Variants in CPQ observed in about 807,000 individuals in gnomAD.
CPQ encodes the protein Ser-Met dipeptidase.
A neutral mutation model predicts 45.7 loss-of-function variants in CPQ; 37 were observed. That is an observed-to-expected ratio of 0.81 (90% CI 0.62 to 1.07). The LOEUF (loss-of-function observed/expected upper bound fraction) is 1.07, where lower values mean the gene tolerates loss of function less well. Among genes scored for constraint, CPQ ranks in the 50% least tolerant of loss-of-function variants. CPQ has a pLI of 0.00. For missense variants in CPQ, 537 were observed against 572.9 expected (o/e 0.94, Z 0.64); for synonymous variants, 186 against 205.8 (o/e 0.90, Z 0.82).
At chr8:96,791,102 A>C (rs1810840048) in intron 2 of CPQ, among the ~76,000 whole-genome samples, 1 of 152,174 alleles carries the variant, frequency 6.6e-6, no homozygotes, top group Admixed American at 6.5e-5. Flanking sequence ...GAAAAGGATT[A>C]GCACTTTTTT....
chr8:96,732,162 C>T (rs1038272276), intron 1 of CPQ: 1 of 152,164 alleles, frequency 6.6e-6, no homozygotes. Context: ...TGAGTCTGGC[C>T]CTGTCACAGT....
intron 5 of CPQ, among the ~76,000 whole-genome samples, chr8:96,982,715 G>A (rs1813926275): frequency 6.6e-6 from 1 of 152,176 alleles, no homozygotes; most frequent in African/African-American, 2.4e-5. Context: ...ACTAATAATA[G>A]CAGTTAGCAT....
intron 5 of CPQ, among the ~76,000 whole-genome samples, chr8:96,973,074 T>A (rs1029887168): frequency 6.6e-6 from 1 of 152,136 alleles, no homozygotes; most frequent in Non-Finnish European, 1.5e-5. Context: ...GAAAGTTGAT[T>A]ATTAAGTTAA....
intron 4 of CPQ, among the ~76,000 whole-genome samples, chr8:96,894,412 A>G (rs1343661171): frequency 6.6e-6 from 1 of 152,242 alleles, no homozygotes. Flanking sequence ...CTAAAATGTG[A>G]CAAATATGAG....
chr8:97,061,254 G>C (rs895854786), intron 6 of CPQ, among the ~76,000 whole-genome samples: 5 of 151,932 alleles, frequency 3.3e-5, no homozygotes, highest in African/African-American at 9.7e-5. Flanking sequence ...TGTGGAGCAA[G>C]AGATTTTTGT....
chr8:96,803,934 C>G (rs886962767), intron 2 of CPQ, among the ~76,000 whole-genome samples: 1 of 152,030 alleles, frequency 6.6e-6, no homozygotes, highest in Non-Finnish European at 1.5e-5. Context: ...ACAGTGTGCC[C>G]AGGTCAAGGT....
intron 5 of CPQ, among the ~76,000 whole-genome samples, chr8:97,025,340 A>T (rs1397376506): frequency 6.6e-6 from 1 of 152,216 alleles, no homozygotes; most frequent in African/African-American, 2.4e-5. Context: ...GTTCTGACAC[A>T]TTATTGGAAG....
intron 1 of CPQ, among the ~76,000 whole-genome samples, chr8:96,673,489 C>T (rs1401753511): frequency 6.6e-6 from 1 of 152,100 alleles, no homozygotes; most frequent in Non-Finnish European, 1.5e-5. Flanking sequence ...GGGGACAAAT[C>T]AGAGGTACTT....
chr8:97,100,670 T>C (rs1811289264), intron 7 of CPQ, among the ~76,000 whole-genome samples: 2 of 152,180 alleles, frequency 1.3e-5, no homozygotes, highest in African/African-American at 4.8e-5. Context: ...GAAGAATTTA[T>C]AGGTTAAAAA....
Position 96,734,968 on chromosome 8 carries a change from C to T in CPQ, c.-34-49896C>T, listed in dbSNP as rs180832862. On this transcript the variant is annotated intron_variant, in intron 1 of 7. Coordinates refer to ENST00000220763, the MANE Select transcript of CPQ (RefSeq NM_016134.4). ...CAGTGCTTGTTTGCATGCTCTCTCT[C>T]TTTCTCTCTCTTTCTGTTTCTCTCT... Among the ~76,000 whole-genome samples the T allele has an allele frequency of 1.4e-3, 218 of 151,964 alleles. 4 individuals carry two copies. The highest frequency in any genetic ancestry group is 0.011 in the Admixed American group (170 of 15,274).
intron 1 of CPQ, among the ~76,000 whole-genome samples, chr8:96,772,066 G>C (rs1810550317): frequency 6.6e-6 from 1 of 152,080 alleles, no homozygotes; most frequent in African/African-American, 2.4e-5. Context: ...GAATGCTGTG[G>C]GGTTTGAACA....
rs193084839 is a variant in CPQ at position 96,921,987 on chromosome 8, T to C, written c.849+41982T>C. ...ATTTTTAGATTATAATTTAAATAAG[T>C]TCATGTGTATTATATTATTTCACCA... On this transcript the variant is annotated intron_variant, in intron 4 of 7. Coordinates refer to ENST00000220763, the MANE Select transcript of CPQ (RefSeq NM_016134.4). 2.6e-3 allele frequency among the ~76,000 whole-genome samples: 391 copies of C among 152,258 alleles called. 2 individuals carry two copies. Among genetic ancestry groups the C allele is most frequent in the African/African-American group, 8.9e-3 (369 of 41,548 alleles).
In CPQ at chr8:97,108,573, A is replaced by G. The variant is rs866291110; in HGVS notation, c.1256-34447A>G. Among the ~76,000 whole-genome samples, 3 of 152,324 alleles carry G rather than the reference A, an allele frequency of 2.0e-5. No homozygotes were observed. The South Asian group carries it at 6.2e-4, about 32-fold the overall frequency. On this transcript the variant is annotated intron_variant, in intron 7 of 7. Transcript: ENST00000220763. ...TATTATGTGCCCTTTGCCTACTGCA[A>G]TCGCTTTCTGAATAGTCAAGTGATT...
Position 96,854,557 on chromosome 8 carries a change from A to AAAAAAAAAAAC in CPQ, c.641+19379_641+19380insAAAAAAAACAA, listed in dbSNP as rs1554573253. ...AAAAAAAAAAAAAAAAAAAAAAAAA[A>AAAAAAAAAAAC]AATGTGGTGGAACTAAAAGCCCAGT... is the stretch of plus-strand genomic sequence containing the variant. On this transcript the variant is annotated intron_variant, in intron 3 of 7. Coordinates refer to ENST00000220763, the MANE Select transcript of CPQ (RefSeq NM_016134.4). Among the ~76,000 whole-genome samples the AAAAAAAAAAAC allele has an allele frequency of 1.0e-4, 8 of 76,886 alleles. 1 individual carries two copies. Among genetic ancestry groups the AAAAAAAAAAAC allele is most frequent in the African/African-American group, 4.0e-4 (8 of 20,038 alleles). The allele number at this position is 76,886 out of a possible 152,430, so 50.4% of individuals were successfully genotyped here.
intron 7 of CPQ, among the ~76,000 whole-genome samples, chr8:97,125,400 A>G (rs1381214194): frequency 2.6e-5 from 4 of 152,200 alleles, no homozygotes; most frequent in Admixed American, 6.5e-5. Flanking sequence ...TAAGGCGTGT[A>G]TGACACTGAT....
chr8:96,787,787 T>G lies in CPQ; in HGVS notation c.433+2457T>G, dbSNP rs138960740. ...TTCTTCTTGAGTCAGTTTTAGTAGTTTGTGTCTTTTGAGAAATGTATCTGT... is the reference window on the plus strand; with the variant it reads ...TTCTTCTTGAGTCAGTTTTAGTAGTGTGTGTCTTTTGAGAAATGTATCTGT... On this transcript the variant is annotated intron_variant, in intron 2 of 7. Transcript: ENST00000220763. 3.6e-4 allele frequency among the ~76,000 whole-genome samples: 54 copies of G among 151,794 alleles called. No individual in the cohort carries two copies. The East Asian group carries it at 7.6e-3, about 21-fold the overall frequency.
intron 4 of CPQ, among the ~76,000 whole-genome samples, chr8:96,930,009 T>G (rs975858272): frequency 1.3e-5 from 2 of 152,074 alleles, no homozygotes; most frequent in Non-Finnish European, 2.9e-5. Flanking sequence ...GGCGAGAATT[T>G]TGTCCTCTCT....
chr8:97,105,961 G>A (rs1303694457), intron 7 of CPQ, among the ~76,000 whole-genome samples: 1 of 152,182 alleles, frequency 6.6e-6, no homozygotes, highest in African/African-American at 2.4e-5. Context: ...ATCTGTGAAT[G>A]CTGAAATGTG....
intron 1 of CPQ, among the ~76,000 whole-genome samples, chr8:96,766,641 G>C (rs1404915180): frequency 6.6e-6 from 1 of 152,182 alleles, no homozygotes. Context: ...TAATGAAGTA[G>C]AGAGGAGAGA....
Sources: gnomAD v4.1 joint callset for allele counts (sites outside exome capture counted in the v4.1 genomes callset) on GRCh38, gnomAD v4.1.1 for gene constraint, MANE v1.5 for transcripts, NCBI Gene and HGNC (gene_info 2026-07-23, HGNC 2026-07-21) for gene names.